The following PPM1H variants were observed in gnomAD, a reference collection of about 807,000 sequenced individuals.
The protein encoded by PPM1H is protein phosphatase 1H.
A neutral mutation model predicts 54.9 loss-of-function variants in PPM1H; 27 were observed. The ratio of observed to expected loss-of-function variants is 0.49; its 90% confidence interval spans 0.36 to 0.68. The LOEUF (loss-of-function observed/expected upper bound fraction) is 0.68. PPM1H is among the 30% of genes least tolerant of loss of function. The pLI, the probability that PPM1H is intolerant of heterozygous loss-of-function variation, is 0.00. For missense variants in PPM1H, 596 were observed against 667.8 expected (o/e 0.89, Z 1.19); for synonymous variants, 305 against 270.8 (o/e 1.13, Z -1.24).
intron 1 of PPM1H, among the ~76,000 whole-genome samples, chr12:62,854,316 A>T (rs1325246311): frequency 6.6e-6 from 1 of 152,194 alleles, no homozygotes; most frequent in Non-Finnish European, 1.5e-5. Flanking sequence ...CTTAAAAGTT[A>T]CTCTGGTCTG....
chr12:62,932,628 C>CTTTGTTTTTTTT (rs1872177121), intron 1 of PPM1H, among the ~76,000 whole-genome samples: 1 of 54,012 alleles, frequency 1.9e-5, no homozygotes, highest in Admixed American at 3.5e-4. Context: ...TCCAAATGGG[C>CTTTGTTTTTTTT]TTTTTTTTTT....
intron 4 of PPM1H, among the ~76,000 whole-genome samples, chr12:62,765,834 G>A (rs1176123198): frequency 6.6e-6 from 1 of 152,228 alleles, no homozygotes; most frequent in African/African-American, 2.4e-5. Context: ...TGACAGAGGA[G>A]GAGGGCAGCA....
chr12:62,863,491 A>G (rs1869675812), intron 1 of PPM1H, among the ~76,000 whole-genome samples: 1 of 152,206 alleles, frequency 6.6e-6, no homozygotes, highest in South Asian at 2.1e-4. Flanking sequence ...TCCATTTCCC[A>G]CAAGTGAATT....
intron 4 of PPM1H, chr12:62,755,199 T>C (rs558607097): frequency 9.5e-6 from 6 of 630,040 alleles, no homozygotes; most frequent in African/African-American, 7.2e-5. Flanking sequence ...TTCTCTCTCA[T>C]TGACAGCTGC....
At chr12:62,890,755 C>CAT (rs1183191864) in intron 1 of PPM1H, among the ~76,000 whole-genome samples, 25 of 115,218 alleles carry the variant, frequency 2.2e-4, no homozygotes, top group East Asian at 6.3e-4. Flanking sequence ...CACACACACA[C>CAT]ATATATATAT....
chr12:62,884,279 G>C (rs180677431), intron 1 of PPM1H, among the ~76,000 whole-genome samples: 1 of 151,508 alleles, frequency 6.6e-6, no homozygotes, highest in East Asian at 1.9e-4. Flanking sequence ...CTGAGGTCAA[G>C]AGTTCGAGAC....
intron 5 of PPM1H, among the ~76,000 whole-genome samples, chr12:62,728,801 G>A (rs1466111461): frequency 6.6e-6 from 1 of 152,200 alleles, no homozygotes; most frequent in Admixed American, 6.5e-5. Flanking sequence ...CCCTGGTTAT[G>A]GGAGAAGTCT....
At chr12:62,828,541 C>T (rs1054126801) in intron 2 of PPM1H, among the ~76,000 whole-genome samples, 2 of 152,148 alleles carry the variant, frequency 1.3e-5, no homozygotes, top group African/African-American at 2.4e-5. Flanking sequence ...GGGTTCCCCA[C>T]TTTGTTTTGT....
intron 4 of PPM1H, among the ~76,000 whole-genome samples, chr12:62,776,307 C>T (rs1174527099): frequency 6.6e-6 from 1 of 152,232 alleles, no homozygotes; most frequent in East Asian, 1.9e-4. Context: ...CTTTCCCTTG[C>T]TGTCGCATTT....
intron 3 of PPM1H, among the ~76,000 whole-genome samples, chr12:62,800,077 G>A (rs1400365399): frequency 6.6e-6 from 1 of 152,216 alleles, no homozygotes; most frequent in Non-Finnish European, 1.5e-5. Flanking sequence ...AGAAAAAGCT[G>A]AGACCAAAGA....
intron 1 of PPM1H, among the ~76,000 whole-genome samples, chr12:62,867,673 A>G (rs1333817476): frequency 7.4e-6 from 1 of 134,578 alleles, no homozygotes; most frequent in African/African-American, 2.8e-5. Flanking sequence ...CGCCTCCCGG[A>G]TTCACGCCAT....
chr12:62,745,446 T>C (rs953093203), intron 4 of PPM1H, among the ~76,000 whole-genome samples: 1 of 152,212 alleles, frequency 6.6e-6, no homozygotes, highest in Non-Finnish European at 1.5e-5. Flanking sequence ...AACTGATTTG[T>C]CCAGATTTGG....
chr12:62,707,967 T>C (rs567123007), intron 6 of PPM1H, among the ~76,000 whole-genome samples: 6 of 152,208 alleles, frequency 3.9e-5, no homozygotes, highest in Admixed American at 2.6e-4. Context: ...ACCTGGAATA[T>C]GGCAGAATAC....
At chr12:62,897,671 T>C (rs746518514) in intron 1 of PPM1H, among the ~76,000 whole-genome samples, 3 of 152,130 alleles carry the variant, frequency 2.0e-5, no homozygotes, top group Non-Finnish European at 2.9e-5. Flanking sequence ...CACCCAGCCT[T>C]GGCATGGCAA....
chr12:62,736,142 T>C (rs1033922977), intron 5 of PPM1H, among the ~76,000 whole-genome samples: 1 of 152,174 alleles, frequency 6.6e-6, no homozygotes, highest in Non-Finnish European at 1.5e-5. Context: ...GCCAGACAGG[T>C]GGCAGAGAGG....
intron 1 of PPM1H, among the ~76,000 whole-genome samples, chr12:62,913,152 G>A (rs878927186): frequency 6.6e-6 from 1 of 152,122 alleles, no homozygotes; most frequent in Admixed American, 6.5e-5. Flanking sequence ...ATGAAGATGG[G>A]GAAGAAAGGG....
intron 4 of PPM1H, among the ~76,000 whole-genome samples, chr12:62,772,519 T>C (rs1349367064): frequency 1.3e-5 from 2 of 152,152 alleles, no homozygotes; most frequent in Non-Finnish European, 2.9e-5. Flanking sequence ...CATATAAAGT[T>C]TGGGTTACTA....
chr12:62,932,628 C>CTTTTATTTTTTTT (rs1872177284), intron 1 of PPM1H, among the ~76,000 whole-genome samples: 1 of 54,012 alleles, frequency 1.9e-5, no homozygotes, highest in Non-Finnish European at 3.2e-5. Context: ...TCCAAATGGG[C>CTTTTATTTTTTTT]TTTTTTTTTT....
chr12:62,846,705 G>A (rs1868984753), intron 1 of PPM1H, among the ~76,000 whole-genome samples: 1 of 151,900 alleles, frequency 6.6e-6, no homozygotes, highest in South Asian at 2.1e-4. Flanking sequence ...TCCACCCCCT[G>A]CAATGACCTA....
Sources: gnomAD v4.1 joint callset for allele counts (sites outside exome capture counted in the v4.1 genomes callset) on GRCh38, gnomAD v4.1.1 for gene constraint, MANE v1.5 for transcripts, NCBI Gene and HGNC (gene_info 2026-07-23, HGNC 2026-07-21) for gene names.